The following CLRN2 variants were observed in gnomAD, a reference collection of about 807,000 sequenced individuals.
CLRN2 encodes the protein clarin-2.
In CLRN2, 17 loss-of-function variants were observed where a neutral mutation model predicts 20.1. That is an observed-to-expected ratio of 0.85 (90% CI 0.58 to 1.27). CLRN2 has a LOEUF of 1.27. Among genes scored for constraint, CLRN2 ranks in the 50% most tolerant of loss-of-function variants. The probability of loss-of-function intolerance (pLI) is 0.00; values close to 1 mark genes in which losing one functional copy is unlikely to be tolerated. For synonymous variants in CLRN2, 140 were observed against 126.9 expected (o/e 1.10, Z -0.70); for missense variants, 288 against 299.5 (o/e 0.96, Z 0.28).
Position 17,519,897 on chromosome 4 carries a change from C to G in CLRN2, c.254-2967C>G, listed in dbSNP as rs1711794536. Among the ~76,000 whole-genome samples the G allele has an allele frequency of 2.0e-5, 3 of 152,236 alleles. No individual in the cohort carries two copies. The South Asian group carries it at 6.2e-4, about 32-fold the overall frequency. On this transcript the variant is annotated intron_variant, in intron 1 of 2. Transcript: ENST00000511148. ...TTTAAAAAATAATTTAATTTAGAGACAGAGCCTTGCTATGTTGCCCAGACT... is the reference window on the plus strand; with the variant it reads ...TTTAAAAAATAATTTAATTTAGAGAGAGAGCCTTGCTATGTTGCCCAGACT...
chr4:17,527,018 C>G lies in CLRN2; in HGVS notation c.635C>G (p.Pro212Arg), dbSNP rs895523850. ...NLVVVAISQIPLPEIKTKIEE... is the reference protein window; with the variant it reads ...NLVVVAISQIRLPEIKTKIEE... ...GTCGTGGTGGCGATCAGTCAAATTCCCCTCCCTGAGATTAAGACCAAAATC... is the reference window on the plus strand; with the variant it reads ...GTCGTGGTGGCGATCAGTCAAATTCGCCTCCCTGAGATTAAGACCAAAATC... Residue 212 changes from proline (P) to arginine (R), a missense_variant, in exon 3 of 3, where the codon CCC (proline) becomes CGC (arginine). By Grantham distance (103) the Pro-to-Arg change is moderately radical. Coordinates refer to ENST00000511148, the MANE Select transcript of CLRN2 (RefSeq NM_001079827.2). 1 of 1,613,868 alleles carries G rather than the reference C, an allele frequency of 6.2e-7. No individual in the cohort carries two copies. The highest frequency in any genetic ancestry group is 8.5e-7 in the Non-Finnish European group (1 of 1,179,896).
At chr4:17,521,613 C>T (rs1460821678) in intron 1 of CLRN2, among the ~76,000 whole-genome samples, 6 of 152,174 alleles carry the variant, frequency 3.9e-5, no homozygotes, top group Non-Finnish European at 7.3e-5. Flanking sequence ...TTCCAGTTAA[C>T]GGTTTGCAAA....
In CLRN2 at chr4:17,526,825, G is replaced by C; in HGVS notation, c.442G>C (p.Val148Leu). 6.2e-7 allele frequency: 1 copy of C among 1,613,936 alleles called. No homozygotes were observed. Among genetic ancestry groups the C allele is most frequent in the East Asian group, 2.2e-5 (1 of 44,876 alleles). The change falls in exon 3 of 3, where the codon GTG becomes CTG. Residue 148 changes from valine (V) to leucine (L), a missense_variant. Transcript: ENST00000511148. ...CLWNVLAGGV[V>L]ALAIASFVAA... ...ACCTTTTTGAGTTTCAGGCGGCGTC[G>C]TGGCGTTAGCCATCGCCAGCTTCGT...
intron 1 of CLRN2, among the ~76,000 whole-genome samples, chr4:17,517,935 T>C (rs998430251): frequency 6.6e-6 from 1 of 152,082 alleles, no homozygotes; most frequent in African/African-American, 2.4e-5. Flanking sequence ...TAGTCTCCTT[T>C]AGATTTACAG....
At chr4:17,521,425 G>A (rs543959326) in intron 1 of CLRN2, among the ~76,000 whole-genome samples, 1 of 152,322 alleles carries the variant, frequency 6.6e-6, no homozygotes, top group Admixed American at 6.5e-5. Flanking sequence ...CCATCAGGGT[G>A]GGTATTCAGC....
intron 2 of CLRN2, among the ~76,000 whole-genome samples, chr4:17,525,466 T>C (rs1472308306): frequency 6.6e-6 from 1 of 152,022 alleles, no homozygotes; most frequent in Non-Finnish European, 1.5e-5. Context: ...TGAGACCTCA[T>C]CTCCACAAAC....
chr4:17,521,803 C>T (rs1408282769), intron 1 of CLRN2, among the ~76,000 whole-genome samples: 2 of 152,196 alleles, frequency 1.3e-5, no homozygotes, highest in East Asian at 1.9e-4. Context: ...TTAGCTGGTA[C>T]AGCTGAGCCC....
chr4:17,524,239 C>T (rs564882786), intron 2 of CLRN2, among the ~76,000 whole-genome samples: 357 of 101,284 alleles, frequency 3.5e-3, no homozygotes, highest in African/African-American at 9.9e-3. Flanking sequence ...TGTGTGTGCG[C>T]GCGCATGTTG....
At position 17,523,011 on chromosome 4, in the gene CLRN2, C is replaced by T. The variant is rs1478088465; in HGVS notation, c.401C>T (p.Pro134Leu). 3 of 1,613,222 alleles carry T rather than the reference C, an allele frequency of 1.9e-6. No homozygotes were observed. The highest frequency in any genetic ancestry group is 2.7e-5 in the African/African-American group (2 of 74,904). ...IQVPYRAVSG[P>L]GGICLWNVLA... ...GTCCCGTACCGGGCAGTCAGCGGTC[C>T]TGGGGGCATCTGCCTATGGAATGTC... The change falls in exon 2 of 3, where the codon CCT becomes CTT. Residue 134 changes from proline (P) to leucine (L), a missense_variant. Transcript: ENST00000511148.
chr4:17,518,986 A>G (rs964364261), intron 1 of CLRN2, among the ~76,000 whole-genome samples: 2 of 152,188 alleles, frequency 1.3e-5, no homozygotes, highest in African/African-American at 4.8e-5. Context: ...CTTTAAAAGC[A>G]CCTAATGTAA....
chr4:17,515,441 G>C lies in CLRN2; in HGVS notation c.175G>C (p.Gly59Arg). 2 of 1,613,952 alleles carry C rather than the reference G, an allele frequency of 1.2e-6. No homozygotes were observed. Among genetic ancestry groups the C allele is most frequent in the Non-Finnish European group, 1.7e-6 (2 of 1,179,880 alleles). Residue 59 changes from glycine (G) to arginine (R), a missense_variant, in exon 1 of 3, where the codon GGG (glycine) becomes CGG (arginine). Coordinates refer to ENST00000511148, the MANE Select transcript of CLRN2 (RefSeq NM_001079827.2). ...AGACAGAGAGCTGGTCAAGTTCATT[G>C]GGGACATTTACTACGGGCTCTTCCG... ...ATDRELVKFI[G>R]DIYYGLFRGC...
intron 1 of CLRN2, among the ~76,000 whole-genome samples, chr4:17,518,061 G>GA (rs5856427): frequency 1.0e-4 from 15 of 147,212 alleles, no homozygotes; most frequent in African/African-American, 3.5e-4. Context: ...TCCATCTGTA[G>GA]AAAAAAAAAA....
chr4:17,519,432 A>T (rs1344289956), intron 1 of CLRN2, among the ~76,000 whole-genome samples: 1 of 152,234 alleles, frequency 6.6e-6, no homozygotes, highest in Non-Finnish European at 1.5e-5. Flanking sequence ...TAGAGTAGTT[A>T]AGCTGACACT....
chr4:17,526,369 G>A (rs1711975136), intron 2 of CLRN2, among the ~76,000 whole-genome samples: 1 of 152,154 alleles, frequency 6.6e-6, no homozygotes, highest in African/African-American at 2.4e-5. Flanking sequence ...AGACCAGCCT[G>A]GGCAACATGA....
chr4:17,523,787 C>G (rs1199762402), intron 2 of CLRN2, among the ~76,000 whole-genome samples: 1 of 146,540 alleles, frequency 6.8e-6, no homozygotes, highest in Non-Finnish European at 1.5e-5. Context: ...TGAGTGCCAT[C>G]TAGTTGCCAA....
intron 2 of CLRN2, among the ~76,000 whole-genome samples, chr4:17,524,826 C>A (rs1164597673): frequency 6.6e-6 from 1 of 151,842 alleles, no homozygotes; most frequent in African/African-American, 2.4e-5. Context: ...GAGCTATAAT[C>A]CCAACACTTA....
Position 17,515,356 on chromosome 4 carries a change from GC to G in CLRN2, c.94del (p.His32ThrfsTer3). ...TCCTGATCATCGTTGCCCTGGTAGTGCCCCACTGGCTGAGTGGGAAAATCCT... is the reference window on the plus strand; with the variant it reads ...TCCTGATCATCGTTGCCCTGGTAGTGCCCACTGGCTGAGTGGGAAAATCCT... ...FILIIVALVV[P>X]HWLSGKILCQ... is the part of the protein sequence containing the mutation. On this transcript the variant is annotated frameshift_variant, in exon 1 of 3. Coordinates refer to ENST00000511148, the MANE Select transcript of CLRN2 (RefSeq NM_001079827.2). LOFTEE classifies it high-confidence loss of function. The G allele has an allele frequency of 1.2e-6, 2 of 1,613,976 alleles. No homozygotes were observed. The highest frequency in any genetic ancestry group is 1.7e-6 in the Non-Finnish European group (2 of 1,179,888).
intron 2 of CLRN2, among the ~76,000 whole-genome samples, chr4:17,526,364 A>G (rs753793190): frequency 1.3e-5 from 2 of 152,214 alleles, no homozygotes; most frequent in Non-Finnish European, 2.9e-5. Flanking sequence ...GTTCGAGACC[A>G]GCCTGGGCAA....
intron 1 of CLRN2, among the ~76,000 whole-genome samples, chr4:17,516,319 G>A (rs1308993680): frequency 6.6e-6 from 1 of 152,204 alleles, no homozygotes; most frequent in Non-Finnish European, 1.5e-5. Context: ...TTAGGAACGG[G>A]CTTCTGGAAA....
Sources: gnomAD v4.1 joint callset for allele counts (sites outside exome capture counted in the v4.1 genomes callset) on GRCh38, gnomAD v4.1.1 for gene constraint, MANE v1.5 for transcripts, NCBI Gene and HGNC (gene_info 2026-07-23, HGNC 2026-07-21) for gene names.